RORA: variants seen among roughly 807,000 people sequenced by gnomAD.
RORA encodes nuclear receptor ROR-alpha.
RORA carries 7 observed loss-of-function variants against 69.5 expected under a neutral mutation model. That is an observed-to-expected ratio of 0.10 (90% confidence interval 0.06 to 0.19). The LOEUF (loss-of-function observed/expected upper bound fraction) is 0.19, where lower values mean the gene tolerates loss of function less well. RORA is among the 10% of genes least tolerant of loss of function. The pLI is 1.00. For synonymous variants in RORA, 261 were observed against 240.8 expected (o/e 1.08, Z -0.78); for missense variants, 457 against 663.0 (o/e 0.69, Z 3.41).
chr15:61,039,025 T>C (rs914635583), intron 1 of RORA: 7 of 152,198 alleles, frequency 4.6e-5, no homozygotes, highest in African/African-American at 1.7e-4. Flanking sequence ...CCCAAGCCTG[T>C]GGGAGACTCA....
intron 1 of RORA, among the ~76,000 whole-genome samples, chr15:61,107,463 G>A (rs1022764516): frequency 4.6e-5 from 7 of 152,076 alleles, no homozygotes; most frequent in Non-Finnish European, 7.4e-5. Flanking sequence ...TGGTAGGAAC[G>A]TGAGAAAATT....
chr15:60,907,812 G>A (rs780610928), intron 1 of RORA, among the ~76,000 whole-genome samples: 13 of 152,110 alleles, frequency 8.5e-5, no homozygotes, highest in Non-Finnish European at 1.3e-4. Flanking sequence ...AGGCTGCCCC[G>A]CTTGTCAAGA....
chr15:61,173,034 T>C (rs751481932), intron 1 of RORA, among the ~76,000 whole-genome samples: 1 of 152,200 alleles, frequency 6.6e-6, no homozygotes, highest in African/African-American at 2.4e-5. Context: ...TTGATAACAT[T>C]TTTGTGGTTT....
rs1280885055 is a variant in RORA, at chr15:60,488,323, C to T, written c.*9132G>A. 6.6e-6 allele frequency: 1 copy of T among 152,122 alleles called. No individual in the cohort carries two copies. The highest frequency in any genetic ancestry group is 1.5e-5 in the Non-Finnish European group (1 of 68,018). 9.4% of individuals were successfully genotyped at this position (152,122 alleles called of 1,614,324 possible). A position where few individuals can be genotyped will look rare whatever the true frequency, so the allele number is the denominator to read the frequency against. On this transcript the variant is annotated 3_prime_UTR_variant, in exon 11 of 11. Coordinates refer to ENST00000335670, the MANE Select transcript of RORA (RefSeq NM_134261.3). Reference sequence around the variant, plus strand: ...GAAGTTTTATTATAGGATAACAGTACATAAAGCACATCTAAAATTGATGTG... The same window carrying T: ...GAAGTTTTATTATAGGATAACAGTATATAAAGCACATCTAAAATTGATGTG...
chr15:60,765,590 A>G (rs1357469041), intron 1 of RORA: 1 of 152,094 alleles, frequency 6.6e-6, no homozygotes, highest in Non-Finnish European at 1.5e-5. Context: ...TCGGATAAGG[A>G]TAGTATTTTT....
chr15:61,045,095 T>C (rs1484184950), intron 1 of RORA, among the ~76,000 whole-genome samples: 1 of 152,186 alleles, frequency 6.6e-6, no homozygotes, highest in Non-Finnish European at 1.5e-5. Flanking sequence ...TGGCTGTGTC[T>C]CCACCCACAT....
At chr15:60,902,386 A>G (rs1891417162) in intron 1 of RORA, among the ~76,000 whole-genome samples, 1 of 152,102 alleles carries the variant, frequency 6.6e-6, no homozygotes, top group Admixed American at 6.5e-5. Context: ...GATTCATCTG[A>G]GATGAAGACA....
chr15:61,217,605 C>T (rs980854012), intron 1 of RORA, among the ~76,000 whole-genome samples: 1 of 152,132 alleles, frequency 6.6e-6, no homozygotes, highest in Non-Finnish European at 1.5e-5. Context: ...AGAGAAATGC[C>T]ACCACTCAAA....
At chr15:61,120,156 C>G (rs1210972881) in intron 1 of RORA, among the ~76,000 whole-genome samples, 1 of 152,102 alleles carries the variant, frequency 6.6e-6, no homozygotes, top group Non-Finnish European at 1.5e-5. Context: ...GCCACATGTC[C>G]TATATTTTGA....
intron 2 of RORA, among the ~76,000 whole-genome samples, chr15:60,565,032 A>C (rs933601420): frequency 2.2e-4 from 34 of 152,152 alleles, no homozygotes; most frequent in Non-Finnish European, 2.8e-4. Context: ...CTCAGCAAAA[A>C]GACAGAGTGT....
intron 1 of RORA, among the ~76,000 whole-genome samples, chr15:60,740,047 CT>C (rs1408112333): frequency 6.6e-6 from 1 of 152,148 alleles, no homozygotes; most frequent in Non-Finnish European, 1.5e-5. Flanking sequence ...TGACTCCTCT[CT>C]TCTATTAGAA....
At chr15:60,732,026 G>A (rs1040527200) in intron 1 of RORA, among the ~76,000 whole-genome samples, 1 of 152,148 alleles carries the variant, frequency 6.6e-6, no homozygotes, top group Non-Finnish European at 1.5e-5. Context: ...GCCTCTTAGA[G>A]GCTGAGTTGA....
intron 1 of RORA, among the ~76,000 whole-genome samples, chr15:61,026,304 C>T (rs1159328126): frequency 2.0e-5 from 3 of 152,148 alleles, no homozygotes; most frequent in Non-Finnish European, 2.9e-5. Flanking sequence ...AACGAGTTCA[C>T]GAAATTATTA....
intron 1 of RORA, among the ~76,000 whole-genome samples, chr15:60,948,709 C>A (rs949918354): frequency 6.6e-6 from 1 of 152,192 alleles, no homozygotes; most frequent in African/African-American, 2.4e-5. Flanking sequence ...AACAAGGTCA[C>A]ACATTTGGAT....
intron 1 of RORA, among the ~76,000 whole-genome samples, chr15:61,037,045 G>A (rs1363871756): frequency 6.6e-6 from 1 of 152,172 alleles, no homozygotes; most frequent in Non-Finnish European, 1.5e-5. Context: ...GATAGCTTAA[G>A]AATGGGGTAG....
chr15:60,754,153 G>A (rs2071764161), intron 1 of RORA, among the ~76,000 whole-genome samples: 1 of 152,286 alleles, frequency 6.6e-6, no homozygotes, highest in East Asian at 1.9e-4. Flanking sequence ...TTTTTGGGTA[G>A]AAATCCATAT....
chr15:60,920,673 C>G (rs1008597034), intron 1 of RORA, among the ~76,000 whole-genome samples: 4 of 152,216 alleles, frequency 2.6e-5, no homozygotes, highest in African/African-American at 9.6e-5. Context: ...TGTTCATCCT[C>G]AAAGATGAAA....
chr15:61,003,017 G>A (rs1443117694), intron 1 of RORA, among the ~76,000 whole-genome samples: 38 of 150,004 alleles, frequency 2.5e-4, no homozygotes, highest in Non-Finnish European at 4.0e-4. Context: ...GGTGGCGGGC[G>A]CCTGTAGTCC....
chr15:60,784,572 C>T (rs1014449581), intron 1 of RORA, among the ~76,000 whole-genome samples: 8 of 152,166 alleles, frequency 5.3e-5, no homozygotes, highest in African/African-American at 1.7e-4. Context: ...TGGTGACTAG[C>T]CCAGCACTGA....
Sources: allele counts gnomAD v4.1 joint callset (sites outside exome capture counted in the v4.1 genomes callset), GRCh38; gene constraint gnomAD v4.1.1; transcripts MANE v1.5; gene names NCBI Gene and HGNC (gene_info 2026-07-23, HGNC 2026-07-21).